Variants in RC3H2 observed in about 807,000 individuals in gnomAD.
The protein encoded by RC3H2 is roquin-2.
RC3H2 carries 31 observed loss-of-function variants against 133.3 expected under a neutral mutation model. That is an observed-to-expected ratio of 0.23 (90% CI 0.17 to 0.31). The LOEUF (loss-of-function observed/expected upper bound fraction) is 0.31. Ranked by LOEUF, RC3H2 falls within the 10% of genes least tolerant of loss-of-function variation. The probability of loss-of-function intolerance (pLI) is 1.00; values close to 1 mark genes in which losing one functional copy is unlikely to be tolerated. For synonymous variants in RC3H2, 517 were observed against 502.2 expected, an observed-to-expected ratio of 1.03 and a Z score of -0.40; for missense variants, 1,175 against 1,437.2, an observed-to-expected ratio of 0.82 and a Z score of 2.95.
intron 18 of RC3H2, 142 bp downstream of exon 18, chr9:122,853,810 T>C (rs1217521643): frequency 6.6e-7 from 1 of 1,509,096 alleles, no homozygotes; most frequent in Admixed American, 2.3e-5. Context: ...ATTACAATTT[T>C]ATTTCTGTTA....
At chr9:122,854,825 C>G (rs1448065460) in intron 15 of RC3H2, among the ~76,000 whole-genome samples, 2 of 152,164 alleles carry the variant, frequency 1.3e-5, no homozygotes, top group Non-Finnish European at 2.9e-5. Flanking sequence ...GTGCTTAGGA[C>G]AGGCACAGTG....
chr9:122,849,855 T>C lies in RC3H2; in HGVS notation c.3381-33A>G, dbSNP rs550107331. The C allele has an allele frequency of 3.5e-6, 5 of 1,447,988 alleles. No individual in the cohort carries two copies. In the East Asian group the frequency reaches 1.0e-4, roughly 29 times the overall value. 89.7% of individuals were successfully genotyped at this position (1,447,988 alleles called of 1,614,324 possible). ...AAAAGAAATGACATTAAAAACAAAT[T>C]AGCTTTAAGTGCAAACTGTTAAGGG... is the stretch of plus-strand genomic sequence containing the variant. On this transcript the variant is annotated intron_variant, in intron 20 of 20. Coordinates refer to ENST00000357244, the MANE Select transcript of RC3H2 (RefSeq NM_001100588.3).
At chr9:122,900,464 A>C (rs1832611797) in intron 1 of RC3H2, among the ~76,000 whole-genome samples, 1 of 152,154 alleles carries the variant, frequency 6.6e-6, no homozygotes, top group Admixed American at 6.5e-5. Context: ...CATAGAAGAA[A>C]CTTCATTCCT....
chr9:122,883,336 T>C lies in RC3H2; in HGVS notation c.627A>G (p.Glu209=). The change falls in exon 5 of 21, where the codon GAA becomes GAG. Residue 209 remains glutamate (E), a synonymous_variant. Coordinates refer to ENST00000357244, the MANE Select transcript of RC3H2 (RefSeq NM_001100588.3). ...EALKLVLLAL[E]DGSALSRKVL... ...CTTTCCTTGAGAGGGCAGAACCATC[T>C]TCTAATGCCAGTAACACCAGCTTCA... The C allele has an allele frequency of 1.2e-6, 2 of 1,612,608 alleles. No homozygotes were observed. Among genetic ancestry groups the C allele is most frequent in the Non-Finnish European group, 1.7e-6 (2 of 1,179,480 alleles).
chr9:122,860,534 C>CGCT (rs890179112), intron 10 of RC3H2, among the ~76,000 whole-genome samples: 1 of 151,598 alleles, frequency 6.6e-6, no homozygotes, highest in African/African-American at 2.4e-5. Flanking sequence ...CCACCTCAGC[C>CGCT]TCCCAAGCAG....
Position 122,880,744 on chromosome 9 carries a change from A to C in RC3H2, c.810T>G (p.Phe270Leu). ...DSSLMQLKEE[F>L]RSYEALRREH... ...CTCTGCGTAATGCTTCATAACTCCG[A>C]AATTCCTCCTTCAGCTGCATTAGGG... Residue 270 changes from phenylalanine (F) to leucine (L), a missense_variant, in exon 6 of 21, where the codon TTT (phenylalanine) becomes TTG (leucine). Physicochemically the swap from Phe to Leu is conservative, Grantham distance 22. Coordinates refer to ENST00000357244, the MANE Select transcript of RC3H2 (RefSeq NM_001100588.3). 6.2e-7 allele frequency: 1 copy of C among 1,614,154 alleles called. No individual in the cohort carries two copies. Among genetic ancestry groups the C allele is most frequent in the Non-Finnish European group, 8.5e-7 (1 of 1,179,994 alleles).
At chr9:122,890,722 C>G (rs761204366) in intron 3 of RC3H2, among the ~76,000 whole-genome samples, 177 bp from the exon 4 acceptor site, 1 of 140,780 alleles carries the variant, frequency 7.1e-6, no homozygotes, top group East Asian at 3.4e-4. Context: ...TAATAAGAAG[C>G]CTAATTTTTA....
intron 9 of RC3H2, among the ~76,000 whole-genome samples, chr9:122,868,554 AAG>A (rs974292826): frequency 6.6e-6 from 1 of 151,736 alleles, no homozygotes; most frequent in Admixed American, 6.6e-5. Flanking sequence ...CATGCTCGTT[AAG>A]AGTCATCACC....
chr9:122,894,020 G>C (rs543604336), intron 2 of RC3H2, among the ~76,000 whole-genome samples: 1 of 152,286 alleles, frequency 6.6e-6, no homozygotes, highest in Non-Finnish European at 1.5e-5. Flanking sequence ...CGCACTTTGG[G>C]AGGCCGAGGC....
At chr9:122,899,629 A>G (rs1832577447) in intron 1 of RC3H2, among the ~76,000 whole-genome samples, 1 of 152,146 alleles carries the variant, frequency 6.6e-6, no homozygotes, top group South Asian at 2.1e-4. Flanking sequence ...TTTCCTTCCA[A>G]CTTTAGAGAT....
At chr9:122,876,746 T>A (rs1390543879) in intron 9 of RC3H2, among the ~76,000 whole-genome samples, 1 of 151,928 alleles carries the variant, frequency 6.6e-6, no homozygotes, top group Non-Finnish European at 1.5e-5. Context: ...AAAAATTGGA[T>A]AATAGTATTA....
intron 3 of RC3H2, 111 bp from the exon 4 acceptor site, chr9:122,890,656 T>C (rs1436879175): frequency 6.6e-5 from 48 of 728,208 alleles, no homozygotes; most frequent in Non-Finnish European, 2.3e-6. Context: ...GAGTCCCTTG[T>C]AATGTGCTTT....
chr9:122,905,312 G>GCCTCCTCCT lies in RC3H2; in HGVS notation c.-279_-271dup, dbSNP rs796650577. The GCCTCCTCCT allele has an allele frequency of 1.0e-4, 99 of 979,742 alleles. 1 individual carries two copies. Among genetic ancestry groups the GCCTCCTCCT allele is most frequent in the South Asian group, 5.7e-4 (12 of 21,192 alleles). 60.7% of individuals were successfully genotyped at this position (979,742 alleles called of 1,614,324 possible). Reference sequence around the variant, plus strand: ...GCCTCCTCCTCCTCCCTCCACCTCCGCCTCCTCCTCCTCCTCCTCCTCACC... The same window carrying GCCTCCTCCT: ...GCCTCCTCCTCCTCCCTCCACCTCCGCCTCCTCCTCCTCCTCCTCCTCCTCCTCCTCACC... On this transcript the variant is annotated 5_prime_UTR_variant, in exon 1 of 21. Transcript: ENST00000357244.
intron 4 of RC3H2, among the ~76,000 whole-genome samples, chr9:122,889,643 A>G (rs1164261769): frequency 2.6e-5 from 4 of 152,138 alleles, no homozygotes; most frequent in Non-Finnish European, 5.9e-5. Context: ...AACGATCAAG[A>G]GTTTAAACAT....
At position 122,897,275 on chromosome 9, in the gene RC3H2, T is replaced by C; in HGVS notation, c.231+4A>G. 5 of 1,613,768 alleles carry C rather than the reference T, an allele frequency of 3.1e-6. No individual in the cohort carries two copies. In the South Asian group the frequency reaches 3.3e-5, roughly 11 times the overall value. ...CAACCTATAGTAAAATCTTGAATGC[T>C]TACCTGGGCTCCAACTAACTGGAGA... On this transcript the variant is annotated splice_donor_region_variant and intron_variant, in intron 2 of 20. Coordinates refer to ENST00000357244, the MANE Select transcript of RC3H2 (RefSeq NM_001100588.3).
intron 9 of RC3H2, among the ~76,000 whole-genome samples, chr9:122,876,015 A>G (rs1218062329): frequency 6.6e-6 from 1 of 152,198 alleles, no homozygotes; most frequent in African/African-American, 2.4e-5. Context: ...GGACAGCGAG[A>G]GATTTAAGAC....
At position 122,851,204 on chromosome 9, in the gene RC3H2, A is replaced by C. The variant is rs1228583577; in HGVS notation, c.3257T>G (p.Ile1086Ser). The change falls in exon 20 of 21, where the codon ATC becomes AGC. Residue 1086 changes from isoleucine to serine, a missense_variant. This residue lies in a region of RC3H2 where 220 missense variants were observed against 201.1 expected (regional missense o/e 1.09). Transcript: ENST00000357244. Reference sequence around the variant, plus strand: ...TAGCAACTGATCATTTTGAGAACTGATACCAAGCTGTATGTCCAAGATCTC... The same window carrying C: ...TAGCAACTGATCATTTTGAGAACTGCTACCAAGCTGTATGTCCAAGATCTC... ...IEEILDIQLG[I>S]SSQNDQLLNG... 12 of 1,614,110 alleles carry C rather than the reference A, an allele frequency of 7.4e-6. No homozygotes were observed. The highest frequency in any genetic ancestry group is 3.3e-4 in the Middle Eastern group (2 of 6,062).
intron 1 of RC3H2, among the ~76,000 whole-genome samples, chr9:122,898,606 A>G (rs1832520920): frequency 6.6e-6 from 1 of 152,086 alleles, no homozygotes; most frequent in African/African-American, 2.4e-5. Context: ...AAAATTAGCC[A>G]GACGTGGTGG....
chr9:122,885,867 T>TTTTTG (rs201724448), intron 4 of RC3H2, among the ~76,000 whole-genome samples: 19 of 152,116 alleles, frequency 1.2e-4, no homozygotes, highest in African/African-American at 2.2e-4. Flanking sequence ...TTTAACGTGT[T>TTTTTG]TTTTGTTTTG....
Sources: allele counts gnomAD v4.1 joint callset (sites outside exome capture counted in the v4.1 genomes callset), GRCh38; gene constraint gnomAD v4.1.1; regional missense constraint gnomAD v4.1.1; transcripts MANE v1.5; gene names NCBI Gene and HGNC (gene_info 2026-07-23, HGNC 2026-07-21).